Variants in ZNF527 observed in about 807,000 individuals in gnomAD.
The protein encoded by ZNF527 is zinc finger protein 527.
A neutral mutation model predicts 13.5 loss-of-function variants in ZNF527; 5 were observed. The ratio of observed to expected loss-of-function variants is 0.37; its 90% CI spans 0.19 to 0.78. The LOEUF (loss-of-function observed/expected upper bound fraction) is 0.78. ZNF527 is among the 30% of genes least tolerant of loss of function. The probability of loss-of-function intolerance (pLI) is 0.48; values close to 1 mark genes in which losing one functional copy is unlikely to be tolerated. For synonymous variants in ZNF527, 209 were observed against 243.1 expected, an observed-to-expected ratio of 0.86 and a Z score of 1.30; for missense variants, 628 against 726.4, an observed-to-expected ratio of 0.86 and a Z score of 1.56.
At chr19:37,386,864 G>A (rs1436068375) in intron 4 of ZNF527, among the ~76,000 whole-genome samples, 1 of 152,230 alleles carries the variant, frequency 6.6e-6, no homozygotes, top group African/African-American at 2.4e-5. Context: ...GCCTACAAGA[G>A]ATGAGATCCA....
rs1450570527 is a variant in ZNF527, at chr19:37,388,718, A to T, written c.669A>T (p.Glu223Asp). Residue 223 changes from glutamate (E) to aspartate (D), a missense_variant, in exon 5 of 5, where the codon GAA becomes GAT. Glu to Asp is a conservative substitution (Grantham distance 45, BLOSUM62 2). Transcript: ENST00000436120. ...AGAAGGAATCTTTGATAGGTAATGAATGTGAAGAATTCAACCAGAGTACGT... is the reference window on the plus strand; with the variant it reads ...AGAAGGAATCTTTGATAGGTAATGATTGTGAAGAATTCAACCAGAGTACGT... ...HAEKESLIGN[E>D]CEEFNQSTYL... The T allele has an allele frequency of 1.2e-6, 2 of 1,612,150 alleles. No individual in the cohort carries two copies. Among genetic ancestry groups the T allele is most frequent in the Admixed American group, 3.4e-5 (2 of 59,600 alleles).
chr19:37,382,925 T>G (rs918820240), intron 4 of ZNF527, among the ~76,000 whole-genome samples: 5 of 152,170 alleles, frequency 3.3e-5, no homozygotes, highest in Non-Finnish European at 5.9e-5. Context: ...CAGGATGGTC[T>G]CAATCTCTTG....
chr19:37,387,151 T>G (rs1437788873), intron 4 of ZNF527, among the ~76,000 whole-genome samples: 2 of 152,210 alleles, frequency 1.3e-5, no homozygotes, highest in Admixed American at 6.5e-5. Flanking sequence ...GAGAAACTGT[T>G]ATGGCAAAGA....
chr19:37,381,113 G>C (rs1455047752), intron 4 of ZNF527, among the ~76,000 whole-genome samples: 1 of 152,072 alleles, frequency 6.6e-6, no homozygotes, highest in Non-Finnish European at 1.5e-5. Flanking sequence ...TGGCCATTTA[G>C]TGCTAGTCAT....
intron 3 of ZNF527, chr19:37,380,069 G>A (rs1161165112): frequency 5.3e-6 from 5 of 942,444 alleles, no homozygotes; most frequent in African/African-American, 1.7e-5. Context: ...AGCTGCTGTA[G>A]CACTTTGAGA....
chr19:37,392,764 A>G lies in ZNF527; in HGVS notation c.*2885A>G, dbSNP rs2040765097. 1 of 152,120 alleles carries G rather than the reference A, an allele frequency of 6.6e-6. No homozygotes were observed. The highest frequency in any genetic ancestry group is 2.4e-5 in the African/African-American group (1 of 41,400). 9.4% of individuals were successfully genotyped at this position (152,120 alleles called of 1,614,324 possible). On this transcript the variant is annotated 3_prime_UTR_variant, in exon 5 of 5. Coordinates refer to ENST00000436120, the MANE Select transcript of ZNF527 (RefSeq NM_032453.2). ...TGACGTAAACCTAAGCTACTGGTTCATTCTCTGTTTATATAGTTAAACTTC... is the reference window on the plus strand; with the variant it reads ...TGACGTAAACCTAAGCTACTGGTTCGTTCTCTGTTTATATAGTTAAACTTC...
In ZNF527 at chr19:37,379,465, T is replaced by C. The variant is rs202054609; in HGVS notation, c.160+219T>C. ...CTGAACACATGAAGTAATTTCTTTT[T>C]TTTTTTTTTTTTTTGAGACAGAGTC... On this transcript the variant is annotated intron_variant, in intron 3 of 4. Coordinates refer to ENST00000436120, the MANE Select transcript of ZNF527 (RefSeq NM_032453.2). 1.6e-4 allele frequency: 50 copies of C among 307,298 alleles called. No individual in the cohort carries two copies. The East Asian group carries it at 1.7e-3, about 10-fold the overall frequency. 19.0% of individuals were successfully genotyped at this position (307,298 alleles called of 1,614,324 possible). A position where few individuals can be genotyped will look rare whatever the true frequency, so the allele number is the denominator to read the frequency against.
rs1030867085 is a variant in ZNF527, at chr19:37,387,624, A to G, written c.257-682A>G. 2.0e-5 allele frequency among the ~76,000 whole-genome samples: 3 copies of G among 152,166 alleles called. No individual in the cohort carries two copies. In the East Asian group the frequency reaches 5.8e-4, roughly 29 times the overall value. On this transcript the variant is annotated intron_variant, in intron 4 of 4. Coordinates refer to ENST00000436120, the MANE Select transcript of ZNF527 (RefSeq NM_032453.2). ...AAATAGTTTTATTTCTACCTTACCC[A>G]ACCAATATCCTCTCCTGAAAGTATC... is the stretch of plus-strand genomic sequence containing the variant.
chr19:37,387,493 T>G (rs2146822456), intron 4 of ZNF527, among the ~76,000 whole-genome samples: 1 of 152,348 alleles, frequency 6.6e-6, no homozygotes, highest in African/African-American at 2.4e-5. Context: ...CTTTCCCCCC[T>G]CTACTAGGTA....
intron 4 of ZNF527, among the ~76,000 whole-genome samples, chr19:37,381,998 C>T (rs1035489636): frequency 4.8e-4 from 73 of 152,094 alleles, no homozygotes; most frequent in Non-Finnish European, 1.0e-4. Flanking sequence ...TTATGTTTCT[C>T]AAATCGTTCC....
intron 1 of ZNF527, among the ~76,000 whole-genome samples, chr19:37,372,629 C>T (rs543915304): frequency 3.3e-5 from 5 of 151,794 alleles, no homozygotes; most frequent in Non-Finnish European, 5.9e-5. Context: ...CATGCCACCA[C>T]GCCCAACTAA....
intron 4 of ZNF527, among the ~76,000 whole-genome samples, chr19:37,384,539 T>G (rs1211533480): frequency 6.6e-6 from 1 of 152,004 alleles, no homozygotes; most frequent in Non-Finnish European, 1.5e-5. Context: ...GAAGTAAAAT[T>G]GCTGGAACAT....
At chr19:37,375,259 T>C (rs572783467) in intron 2 of ZNF527, among the ~76,000 whole-genome samples, 11 of 114,728 alleles carry the variant, frequency 9.6e-5, no homozygotes, top group Admixed American at 4.6e-4. Context: ...TCTTTCTTTC[T>C]TTCTTTCTTT....
chr19:37,382,400 A>G (rs2040662182), intron 4 of ZNF527, among the ~76,000 whole-genome samples: 1 of 151,986 alleles, frequency 6.6e-6, no homozygotes, highest in Non-Finnish European at 1.5e-5. Context: ...CTATCTTTTT[A>G]TATACTAAAA....
chr19:37,382,992 C>G (rs1225369706), intron 4 of ZNF527, among the ~76,000 whole-genome samples: 2 of 152,066 alleles, frequency 1.3e-5, no homozygotes, highest in Non-Finnish European at 2.9e-5. Flanking sequence ...CAGTTATGAG[C>G]CACCATGCCC....
At chr19:37,380,653 T>TA (rs1443707652) in intron 4 of ZNF527, among the ~76,000 whole-genome samples, 1 of 152,234 alleles carries the variant, frequency 6.6e-6, no homozygotes, top group East Asian at 1.9e-4. Context: ...TCAGAGTTTT[T>TA]ATTTTTATCA....
At chr19:37,380,164 C>T in intron 3 of ZNF527, 113 bp from the exon 4 acceptor site, 3 of 1,482,014 alleles carry the variant, frequency 2.0e-6, no homozygotes, top group Non-Finnish European at 2.7e-6. Context: ...AATGTCCATT[C>T]TTGCCTGATG....
At chr19:37,379,401 C>T in intron 3 of ZNF527, 155 bp downstream of exon 3, 2 of 608,276 alleles carry the variant, frequency 3.3e-6, no homozygotes, top group Non-Finnish European at 2.5e-6. Context: ...TATATATTTG[C>T]TTAAATTTTA....
At chr19:37,373,491 T>C (rs1426421532) in intron 1 of ZNF527, among the ~76,000 whole-genome samples, 2 of 152,214 alleles carry the variant, frequency 1.3e-5, no homozygotes, top group Non-Finnish European at 2.9e-5. Context: ...GTTCTGTCAT[T>C]AGAATACACC....
Sources: allele counts gnomAD v4.1 joint callset (sites outside exome capture counted in the v4.1 genomes callset), GRCh38; gene constraint gnomAD v4.1.1; transcripts MANE v1.5; gene names NCBI Gene and HGNC (gene_info 2026-07-23, HGNC 2026-07-21).